CLVS1: variants seen among roughly 807,000 people sequenced by gnomAD.
The protein encoded by CLVS1 is clavesin-1.
In CLVS1, 10 loss-of-function variants were observed where a neutral mutation model predicts 33.1. That is an observed-to-expected ratio of 0.30 (90% CI 0.19 to 0.51). The LOEUF is 0.51. Among genes scored for constraint, CLVS1 ranks in the 20% least tolerant of loss-of-function variants. The pLI is 0.97. For missense variants in CLVS1, 343 were observed against 433.4 expected, an observed-to-expected ratio of 0.79 and a Z score of 1.85; for synonymous variants, 163 against 166.1, an observed-to-expected ratio of 0.98 and a Z score of 0.14.
chr8:61,153,675 G>A (rs1806590834), intron 2 of CLVS1, among the ~76,000 whole-genome samples: 1 of 152,162 alleles, frequency 6.6e-6, no homozygotes. Flanking sequence ...CAGCCCAAGG[G>A]AAGGTGCCTC....
At chr8:61,161,505 G>A (rs1358765884) in intron 2 of CLVS1, among the ~76,000 whole-genome samples, 1 of 152,152 alleles carries the variant, frequency 6.6e-6, no homozygotes, top group East Asian at 1.9e-4. Flanking sequence ...TGAAAACATG[G>A]ATGAACATCT....
At chr8:61,260,425 C>T (rs965013441) in intron 2 of CLVS1, among the ~76,000 whole-genome samples, 2 of 152,204 alleles carry the variant, frequency 1.3e-5, no homozygotes, top group Non-Finnish European at 2.9e-5. Context: ...AGGAACAAAA[C>T]ATTTTTCCTT....
chr8:61,269,066 G>A (rs1809375509), intron 2 of CLVS1, among the ~76,000 whole-genome samples: 2 of 148,794 alleles, frequency 1.3e-5, no homozygotes, highest in Non-Finnish European at 3.0e-5. Context: ...CATTGCTTTT[G>A]GTGTTATAGA....
chr8:61,083,181 A>G (rs1172110827), intron 1 of CLVS1, among the ~76,000 whole-genome samples: 1 of 152,202 alleles, frequency 6.6e-6, no homozygotes, highest in Admixed American at 6.5e-5. Flanking sequence ...AAGGGAAAAT[A>G]AAAGGGAGAG....
chr8:60,992,443 A>G, the CLVS1 span, among the ~76,000 whole-genome samples: 1 of 152,238 alleles, frequency 6.6e-6, no homozygotes, highest in Admixed American at 6.5e-5. Flanking sequence ...GAAGCAAAGA[A>G]AGAGAAAGAC....
chr8:61,133,265 C>A (rs577685444), intron 2 of CLVS1, among the ~76,000 whole-genome samples: 1 of 151,958 alleles, frequency 6.6e-6, no homozygotes, highest in African/African-American at 2.4e-5. Flanking sequence ...GGGGCACAGA[C>A]GAGGGGGTCG....
chr8:61,041,804 C>T, the CLVS1 span, among the ~76,000 whole-genome samples: 2 of 152,010 alleles, frequency 1.3e-5, no homozygotes, highest in East Asian at 3.9e-4. Context: ...AGAATCATAT[C>T]ATTAGTGAAG....
At chr8:61,450,528 T>C (rs911466458) in intron 3 of CLVS1, among the ~76,000 whole-genome samples, 5 of 152,172 alleles carry the variant, frequency 3.3e-5, no homozygotes, top group Admixed American at 6.5e-5. Flanking sequence ...TTAAAGAATA[T>C]GCCAACTGTT....
chr8:61,476,891 T>A (rs1817957188), intron 5 of CLVS1, among the ~76,000 whole-genome samples: 1 of 152,212 alleles, frequency 6.6e-6, no homozygotes. Context: ...TCAAAGGGAA[T>A]GCTTCCAGTT....
chr8:61,124,054 T>C (rs1465970419), intron 1 of CLVS1, among the ~76,000 whole-genome samples: 1 of 152,190 alleles, frequency 6.6e-6, no homozygotes, highest in Non-Finnish European at 1.5e-5. Flanking sequence ...GCAAAATTTA[T>C]CTATCTTAAA....
At chr8:61,187,449 T>G (rs6471937) in intron 2 of CLVS1, among the ~76,000 whole-genome samples, 1 of 151,934 alleles carries the variant, frequency 6.6e-6, no homozygotes, top group Non-Finnish European at 1.5e-5. Flanking sequence ...TCAAATCAAG[T>G]CATTTAATGT....
chr8:61,139,832 G>T lies in CLVS1; in HGVS notation c.-152+7972G>T, dbSNP rs112467867. Among the ~76,000 whole-genome samples the T allele has an allele frequency of 7.2e-3, 1,099 of 152,244 alleles. 8 individuals are homozygous for T. Among genetic ancestry groups the T allele is most frequent in the Non-Finnish European group, 0.013 (880 of 68,010 alleles). On this transcript the variant is annotated intron_variant, in intron 2 of 2. Coordinates refer to the CLVS1 transcript ENST00000522621. ...CTGCGGCCCCGCCATTCTCCTTCCCGGCTCCCTCTTGTGCCGTCGCAGATT... is the reference window on the plus strand; with the variant it reads ...CTGCGGCCCCGCCATTCTCCTTCCCTGCTCCCTCTTGTGCCGTCGCAGATT...
intron 3 of CLVS1, among the ~76,000 whole-genome samples, chr8:61,411,234 G>A (rs1873889): frequency 0.018 from 2,788 of 152,294 alleles, 87 homozygotes; most frequent in African/African-American, 0.062. Context: ...TAAAAAAGTC[G>A]TTGTTCAGGT....
chr8:61,198,537 G>A lies in CLVS1; in HGVS notation c.-152+66677G>A, dbSNP rs553142161. 3.9e-5 allele frequency among the ~76,000 whole-genome samples: 6 copies of A among 152,280 alleles called. No individual in the cohort carries two copies. The East Asian group carries it at 9.6e-4, about 24-fold the overall frequency. The stretch of plus-strand genomic sequence containing the variant: ...TGGGACTATAGGTGTGCACCACCAT[G>A]CCTGTCTAATTTTTGTATTTTTAGT... On this transcript the variant is annotated intron_variant, in intron 2 of 2. Coordinates refer to the CLVS1 transcript ENST00000522621.
the CLVS1 span, among the ~76,000 whole-genome samples, chr8:60,995,521 G>A: frequency 6.6e-6 from 1 of 152,218 alleles, no homozygotes; most frequent in African/African-American, 2.4e-5. Context: ...AACAGGTGCT[G>A]GAGAGGGTGT....
chr8:61,474,684 G>A (rs553476059), intron 5 of CLVS1, among the ~76,000 whole-genome samples: 1 of 152,330 alleles, frequency 6.6e-6, no homozygotes, highest in East Asian at 1.9e-4. Flanking sequence ...GGAAGTTGTT[G>A]CTTTTCTAAG....
chr8:61,053,570 C>T (rs553880616), upstream of CLVS1, among the ~76,000 whole-genome samples: 1 of 152,306 alleles, frequency 6.6e-6, no homozygotes, highest in East Asian at 1.9e-4. Context: ...AGGATCCTGG[C>T]CCCTAGCTTT....
At position 61,490,973 on chromosome 8, in the gene CLVS1, G is replaced by GA. The variant is rs1202710339; in HGVS notation, c.978-8472dup. 1.0e-3 allele frequency among the ~76,000 whole-genome samples: 144 copies of GA among 138,978 alleles called. 1 individual carries two copies. Among genetic ancestry groups the GA allele is most frequent in the African/African-American group, 3.3e-3 (125 of 38,200 alleles). 91.2% of individuals were successfully genotyped at this position (138,978 alleles called of 152,430 possible). A position where few individuals can be genotyped will look rare whatever the true frequency, so the allele number is the denominator to read the frequency against. On this transcript the variant is annotated intron_variant, in intron 5 of 5. Transcript: ENST00000325897. ...CAGACTCCATCTCCAAAAAAAAAAA[G>GA]AAAAAAAAAAGAAAGAAAGAAATTA... is the stretch of plus-strand genomic sequence containing the variant.
chr8:61,116,410 A>G (rs1194886982), intron 1 of CLVS1, among the ~76,000 whole-genome samples: 2 of 152,162 alleles, frequency 1.3e-5, no homozygotes, highest in Non-Finnish European at 2.9e-5. Flanking sequence ...TTTTGTTGCC[A>G]TTGCTTTTGG....
Sources: gnomAD v4.1 joint callset for allele counts (sites outside exome capture counted in the v4.1 genomes callset) on GRCh38, gnomAD v4.1.1 for gene constraint, MANE v1.5 for transcripts, NCBI Gene and HGNC (gene_info 2026-07-23, HGNC 2026-07-21) for gene names.